The following LY9 variants were observed in gnomAD, a reference collection of about 807,000 sequenced individuals.
The protein encoded by LY9 is T-lymphocyte surface antigen Ly-9.
In LY9, 59 loss-of-function variants were observed where a neutral mutation model predicts 64.6. The ratio of observed to expected loss-of-function variants is 0.91; its 90% confidence interval spans 0.74 to 1.13. The LOEUF (loss-of-function observed/expected upper bound fraction) is 1.13. LY9 is among the 50% of genes most tolerant of loss of function. The pLI, the probability that LY9 is intolerant of heterozygous loss-of-function variation, is 0.00. For missense variants in LY9, 789 were observed against 797.2 expected (o/e 0.99, Z 0.12); for synonymous variants, 281 against 308.5 (o/e 0.91, Z 0.93).
Position 160,827,987 on chromosome 1 carries a change from C to T in LY9, c.*171C>T. 2.0e-6 allele frequency: 1 copy of T among 503,942 alleles called. No individual in the cohort carries two copies. Among genetic ancestry groups the T allele is most frequent in the South Asian group, 2.8e-5 (1 of 36,196 alleles). 31.2% of individuals were successfully genotyped at this position (503,942 alleles called of 1,614,324 possible). On this transcript the variant is annotated 3_prime_UTR_variant, in exon 10 of 10. Coordinates refer to ENST00000263285, the MANE Select transcript of LY9 (RefSeq NM_002348.4). ...TTCTCACCCTTAAGGACTCCCAAAC[C>T]CATTAATAGTTCAGACACAGGCTCC...
chr1:160,821,828 G>C (rs372582500), intron 7 of LY9, among the ~76,000 whole-genome samples: 1 of 152,188 alleles, frequency 6.6e-6, no homozygotes, highest in Admixed American at 6.5e-5. Context: ...CAGCCGGGAG[G>C]GGGCAGGATT....
At chr1:160,809,593 C>T (rs566077134) in intron 2 of LY9, among the ~76,000 whole-genome samples, 4 of 151,690 alleles carry the variant, frequency 2.6e-5, no homozygotes, top group East Asian at 3.9e-4. Context: ...AACTCCTGGC[C>T]TCAAACAATC....
intron 9 of LY9, among the ~76,000 whole-genome samples, chr1:160,827,220 C>G (rs2101846143): frequency 6.6e-6 from 1 of 152,256 alleles, no homozygotes; most frequent in South Asian, 2.1e-4. Flanking sequence ...TATGCTATCC[C>G]CAAGCTGTTG....
At chr1:160,825,260 T>A (rs903856340) in intron 9 of LY9, among the ~76,000 whole-genome samples, 2 of 152,036 alleles carry the variant, frequency 1.3e-5, no homozygotes, top group Non-Finnish European at 2.9e-5. Context: ...ATAATCATAA[T>A]GATAATAATA....
At chr1:160,797,243 G>A (rs1007560259) in intron 1 of LY9, 19 of 985,350 alleles carry the variant, frequency 1.9e-5, no homozygotes, top group South Asian at 4.7e-5. Flanking sequence ...CTGTGCTCCC[G>A]CTTTCTCCAG....
chr1:160,802,035 G>A (rs1275413537), intron 2 of LY9: 4 of 1,448,140 alleles, frequency 2.8e-6, no homozygotes, highest in South Asian at 2.9e-5. Flanking sequence ...ACTGCCCCCC[G>A]AGGCTGCTAG....
intron 2 of LY9, among the ~76,000 whole-genome samples, chr1:160,809,361 T>TTATTATTAC (rs371870875): frequency 6.7e-4 from 98 of 147,262 alleles, no homozygotes; most frequent in Middle Eastern, 7.1e-3. Context: ...ATTATTATTA[T>TTATTATTAC]TACTACTACT....
intron 2 of LY9, among the ~76,000 whole-genome samples, chr1:160,807,355 T>G (rs1667074838): frequency 6.6e-6 from 1 of 152,218 alleles, no homozygotes; most frequent in Non-Finnish European, 1.5e-5. Flanking sequence ...ATCTGTGATT[T>G]CCTCAGTAGG....
At chr1:160,804,502 G>A (rs919467780) in intron 2 of LY9, among the ~76,000 whole-genome samples, 2 of 151,836 alleles carry the variant, frequency 1.3e-5, no homozygotes, top group Non-Finnish European at 2.9e-5. Flanking sequence ...ATTTTGCTGA[G>A]GATTGTTGCA....
Position 160,798,463 on chromosome 1 carries a change from A to G in LY9, c.125-1290A>G, listed in dbSNP as rs147056558. On this transcript the variant is annotated intron_variant, in intron 1 of 9. Coordinates refer to ENST00000263285, the MANE Select transcript of LY9 (RefSeq NM_002348.4). ...TTTACATAAAGTACCTAATGCACAC[A>G]TAGCAATCGTAAGCAGTCTCTTCCA... Among the ~76,000 whole-genome samples, 122 of 152,352 alleles carry G rather than the reference A, an allele frequency of 8.0e-4. 1 individual carries two copies. The highest frequency in any genetic ancestry group is 1.3e-3 in the Non-Finnish European group (91 of 68,038).
In LY9 at chr1:160,817,577, C is replaced by T. The variant is rs144286691; in HGVS notation, c.1343-641C>T. ...GGAGCTAGAAAAGAAGCCCCAGTGG[C>T]CCTTAATAAATGCTAAGTACTATTC... On this transcript the variant is annotated intron_variant, in intron 5 of 9. Coordinates refer to ENST00000263285, the MANE Select transcript of LY9 (RefSeq NM_002348.4). Among the ~76,000 whole-genome samples the T allele has an allele frequency of 5.6e-3, 854 of 152,288 alleles. 9 individuals carry two copies. Among genetic ancestry groups the T allele is most frequent in the South Asian group, 0.038 (181 of 4,818 alleles).
At chr1:160,801,775 AT>A in intron 2 of LY9, 1 of 1,590,362 alleles carries the variant, frequency 6.3e-7, no homozygotes. Flanking sequence ...GCATGTGACT[AT>A]TCAATTTTCC....
chr1:160,820,310 C>T (rs1668314408), intron 7 of LY9, among the ~76,000 whole-genome samples: 1 of 152,134 alleles, frequency 6.6e-6, no homozygotes, highest in Non-Finnish European at 1.5e-5. Flanking sequence ...CTTTACTCCC[C>T]CACTCCCATG....
chr1:160,823,318 C>T, intron 7 of LY9, 147 bp from the exon 8 acceptor site: 1 of 574,404 alleles, frequency 1.7e-6, no homozygotes, highest in Non-Finnish European at 3.1e-6. Context: ...GGAATGGACC[C>T]CCTGAGGGAA....
chr1:160,801,680 T>C, intron 2 of LY9: 1 of 797,098 alleles, frequency 1.3e-6, no homozygotes, highest in Non-Finnish European at 2.1e-6. Context: ...ATTTTTATAG[T>C]TTCAGGTCTT....
intron 1 of LY9, among the ~76,000 whole-genome samples, chr1:160,796,687 T>C (rs894056055): frequency 6.6e-6 from 1 of 152,134 alleles, no homozygotes; most frequent in African/African-American, 2.4e-5. Context: ...CCAGTTCTTG[T>C]TGGTAAAATC....
chr1:160,823,406 A>T (rs899261008), intron 7 of LY9, 59 bp from the exon 8 acceptor site: 2 of 1,365,864 alleles, frequency 1.5e-6, no homozygotes, highest in Non-Finnish European at 1.0e-6. Context: ...GCCTTGCAGC[A>T]AAGCAAGAAG....
intron 5 of LY9, among the ~76,000 whole-genome samples, chr1:160,817,550 T>A (rs549196509): frequency 1.3e-5 from 2 of 152,166 alleles, no homozygotes; most frequent in African/African-American, 4.8e-5. Flanking sequence ...GCTGCGTGAG[T>A]GGGAGCTAGA....
chr1:160,798,944 C>A (rs1363817262), intron 1 of LY9: 3 of 152,220 alleles, frequency 2.0e-5, no homozygotes, highest in Non-Finnish European at 2.9e-5. Context: ...ACCCAGAAGA[C>A]ACCCACAGGG....
Sources: gnomAD v4.1 joint callset for allele counts (sites outside exome capture counted in the v4.1 genomes callset) on GRCh38, gnomAD v4.1.1 for gene constraint, MANE v1.5 for transcripts, NCBI Gene and HGNC (gene_info 2026-07-23, HGNC 2026-07-21) for gene names.